ZNF423: variants seen among roughly 807,000 people sequenced by gnomAD.
The protein encoded by ZNF423 is Ebf-associated zinc finger protein.
A neutral mutation model predicts 95.8 loss-of-function variants in ZNF423; 12 were observed. The ratio of observed to expected loss-of-function variants is 0.13; its 90% CI spans 0.08 to 0.20. ZNF423 has a LOEUF of 0.20. Ranked by LOEUF, ZNF423 falls within the 10% of genes least tolerant of loss-of-function variation. ZNF423 has a pLI of 1.00. For synonymous variants in ZNF423, 749 were observed against 711.9 expected (o/e 1.05, Z -0.83); for missense variants, 1,316 against 1,737.1 (o/e 0.76, Z 4.31).
At chr16:49,803,237 T>G (rs776324338) in intron 1 of ZNF423, among the ~76,000 whole-genome samples, 4 of 151,932 alleles carry the variant, frequency 2.6e-5, no homozygotes, top group African/African-American at 9.7e-5. Context: ...CTAGCCTGAG[T>G]GACACAGCCA....
chr16:49,731,418 C>T, intron 2 of ZNF423: 1 of 978,650 alleles, frequency 1.0e-6, no homozygotes, highest in Non-Finnish European at 1.2e-6. Context: ...ACAGGCCTCC[C>T]AGGGCAGTGA....
intron 5 of ZNF423, among the ~76,000 whole-genome samples, chr16:49,578,377 G>A (rs1402996753): frequency 6.6e-6 from 1 of 152,068 alleles, no homozygotes; most frequent in African/African-American, 2.4e-5. Flanking sequence ...TCTCACAACT[G>A]CACTTTCTAA....
chr16:49,536,103 G>A (rs896294570), intron 5 of ZNF423, among the ~76,000 whole-genome samples: 5 of 151,964 alleles, frequency 3.3e-5, no homozygotes, highest in African/African-American at 1.2e-4. Flanking sequence ...AGTTACCAAC[G>A]GGCACACACA....
At chr16:49,502,360 G>A (rs1967443782) in intron 7 of ZNF423, among the ~76,000 whole-genome samples, 1 of 152,202 alleles carries the variant, frequency 6.6e-6, no homozygotes. Context: ...TATGTCCTGG[G>A]TTCTGCTGCC....
intron 1 of ZNF423, among the ~76,000 whole-genome samples, chr16:49,790,037 C>T (rs1226820961): frequency 6.6e-6 from 1 of 152,190 alleles, no homozygotes; most frequent in Non-Finnish European, 1.5e-5. Flanking sequence ...CAGAACCAAG[C>T]TGGGCAGAGA....
chr16:49,576,561 G>A (rs564774240), intron 5 of ZNF423, among the ~76,000 whole-genome samples: 3 of 152,318 alleles, frequency 2.0e-5, no homozygotes, highest in South Asian at 2.1e-4. Flanking sequence ...ACTGCAGTCC[G>A]TAGCTCAAGG....
intron 3 of ZNF423, among the ~76,000 whole-genome samples, chr16:49,697,768 C>T (rs781434220): frequency 3.3e-5 from 5 of 152,210 alleles, no homozygotes; most frequent in Admixed American, 2.0e-4. Context: ...AGCGTGTGCA[C>T]GTTGTCAGTG....
Position 49,794,379 on chromosome 16 carries a change from A to G in ZNF423, c.41-4833T>C, listed in dbSNP as rs181671482. ...CCACTGCACCTAGCCCACTTTTTCT[A>G]TCTACTCCAAACTCTCTTCCATCCC... is the stretch of plus-strand genomic sequence containing the variant. On this transcript the variant is annotated intron_variant, in intron 1 of 7. Coordinates refer to ENST00000563137, the MANE Select transcript of ZNF423 (RefSeq NM_001379286.1). Among the ~76,000 whole-genome samples the G allele has an allele frequency of 2.7e-3, 406 of 151,018 alleles. 1 individual carries two copies. The highest frequency in any genetic ancestry group is 4.6e-3 in the Non-Finnish European group (311 of 67,740).
At chr16:49,720,500 G>A (rs542640420) in intron 3 of ZNF423, among the ~76,000 whole-genome samples, 2 of 152,308 alleles carry the variant, frequency 1.3e-5, no homozygotes, top group Admixed American at 1.3e-4. Context: ...CCTGGGACAA[G>A]TACTACCTCA....
chr16:49,730,879 C>A lies in ZNF423; in HGVS notation c.193G>T (p.Asp65Tyr). The A allele has an allele frequency of 6.2e-7, 1 of 1,614,188 alleles. No individual in the cohort carries two copies. The highest frequency in any genetic ancestry group is 8.5e-7 in the Non-Finnish European group (1 of 1,180,046). Reference sequence around the variant, plus strand: ...GATTCATCCTCCATGTCTTCATCATCCTCATTTCTCTCCTCTTGACTTGTC... The same window carrying A: ...GATTCATCCTCCATGTCTTCATCATACTCATTTCTCTCCTCTTGACTTGTC... ...SVTSQEERNE[D>Y]DEDMEDESIY... The change falls in exon 3 of 8, where the codon GAT (aspartate) becomes TAT (tyrosine). Residue 65 changes from aspartate (D) to tyrosine (Y), a missense_variant. Physicochemically the swap from Asp to Tyr is radical, Grantham distance 160 (BLOSUM62 -3). Transcript: ENST00000563137.
chr16:49,782,440 C>T (rs1320170076), intron 2 of ZNF423, among the ~76,000 whole-genome samples: 1 of 152,222 alleles, frequency 6.6e-6, no homozygotes, highest in Non-Finnish European at 1.5e-5. Context: ...TTCCTATTAA[C>T]CAGAGCAAGA....
chr16:49,815,898 ATATATATATATATATATTTTT>A (rs2034840322), intron 1 of ZNF423, among the ~76,000 whole-genome samples: 3 of 47,776 alleles, frequency 6.3e-5, no homozygotes, highest in East Asian at 5.6e-4. Flanking sequence ...ATATATATAT[ATATATATATATATATATTTTT>A]TTTTTTTTTT....
chr16:49,551,362 CA>C (rs1447381049), intron 5 of ZNF423, among the ~76,000 whole-genome samples: 5 of 152,222 alleles, frequency 3.3e-5, no homozygotes, highest in African/African-American at 9.7e-5. Flanking sequence ...ATCAGCATCT[CA>C]AAACACAATT....
At chr16:49,560,436 G>A (rs1422750626) in intron 5 of ZNF423, among the ~76,000 whole-genome samples, 3 of 152,326 alleles carry the variant, frequency 2.0e-5, no homozygotes, top group African/African-American at 2.4e-5. Context: ...CCAGCTCTGC[G>A]GTTGGGCTGG....
intron 1 of ZNF423, among the ~76,000 whole-genome samples, chr16:49,795,260 G>A (rs1352499353): frequency 6.6e-6 from 1 of 152,112 alleles, no homozygotes; most frequent in African/African-American, 2.4e-5. Flanking sequence ...ACCAGGCAGT[G>A]GGCAAGGCAG....
chr16:49,788,782 G>A (rs2034361081), intron 2 of ZNF423, among the ~76,000 whole-genome samples: 1 of 152,228 alleles, frequency 6.6e-6, no homozygotes, highest in Non-Finnish European at 1.5e-5. Context: ...TGCCAAGAGA[G>A]GCCCTGGCTG....
intron 3 of ZNF423, among the ~76,000 whole-genome samples, chr16:49,703,704 T>C (rs530730515): frequency 2.6e-5 from 4 of 152,348 alleles, no homozygotes; most frequent in African/African-American, 9.6e-5. Flanking sequence ...TGGATCCGGC[T>C]CTGCTGACTT....
intron 5 of ZNF423, among the ~76,000 whole-genome samples, chr16:49,573,627 T>C (rs1024251178): frequency 3.9e-5 from 6 of 152,170 alleles, no homozygotes; most frequent in Non-Finnish European, 8.8e-5. Flanking sequence ...CCTGATGACA[T>C]TATCTAATCC....
At chr16:49,768,540 G>C (rs560684698) in intron 2 of ZNF423, among the ~76,000 whole-genome samples, 6 of 152,254 alleles carry the variant, frequency 3.9e-5, no homozygotes, top group African/African-American at 1.4e-4. Context: ...CTTCCTGGAA[G>C]ATTTTCTTCA....
Sources: gnomAD v4.1 joint callset for allele counts (sites outside exome capture counted in the v4.1 genomes callset) on GRCh38, gnomAD v4.1.1 for gene constraint, MANE v1.5 for transcripts, NCBI Gene and HGNC (gene_info 2026-07-23, HGNC 2026-07-21) for gene names.